ADGRB3: variants seen among roughly 807,000 people sequenced by gnomAD.
ADGRB3 encodes the protein adhesion G protein-coupled receptor B3.
In ADGRB3, 37 loss-of-function variants were observed where a neutral mutation model predicts 193.4. That is an observed-to-expected ratio of 0.19 (90% CI 0.15 to 0.25). ADGRB3 has a LOEUF of 0.25. Ranked by LOEUF, ADGRB3 falls within the 10% of genes least tolerant of loss-of-function variation. ADGRB3 has a pLI of 1.00. For missense variants in ADGRB3, 1,637 were observed against 1,852.9 expected (o/e 0.88, Z 2.14); for synonymous variants, 690 against 644.2 (o/e 1.07, Z -1.08).
intron 3 of ADGRB3, among the ~76,000 whole-genome samples, chr6:68,897,884 G>T (rs1019599436): frequency 6.9e-6 from 1 of 145,796 alleles, no homozygotes; most frequent in Non-Finnish European, 1.5e-5. Flanking sequence ...AAGAAAGAAA[G>T]AAAAAAGAAA....
At chr6:68,637,802 A>AT (rs3839456) in intron 2 of ADGRB3, among the ~76,000 whole-genome samples, 31,599 of 148,608 alleles carry the variant, frequency 0.21, 3,638 homozygotes, top group South Asian at 0.3. Flanking sequence ...ATGGTTCTGG[A>AT]TTTTTTTTTT....
At chr6:68,803,420 C>T (rs1752543719) in intron 3 of ADGRB3, among the ~76,000 whole-genome samples, 1 of 152,090 alleles carries the variant, frequency 6.6e-6, no homozygotes, top group South Asian at 2.1e-4. Context: ...TCACTGAAAC[C>T]AGCCTGTTAA....
chr6:69,222,388 G>A (rs1239655802), intron 17 of ADGRB3, among the ~76,000 whole-genome samples: 2 of 152,132 alleles, frequency 1.3e-5, no homozygotes, highest in Admixed American at 1.3e-4. Flanking sequence ...CTATAAAGTG[G>A]ATAGAGCATG....
At chr6:69,163,247 T>C (rs1238913278) in intron 17 of ADGRB3, among the ~76,000 whole-genome samples, 1 of 152,042 alleles carries the variant, frequency 6.6e-6, no homozygotes, top group Non-Finnish European at 1.5e-5. Context: ...CAAGTTGAAA[T>C]GTGTGTTTTT....
chr6:69,319,484 C>T (rs1278785560), intron 20 of ADGRB3, among the ~76,000 whole-genome samples: 16 of 151,140 alleles, frequency 1.1e-4, no homozygotes, highest in Non-Finnish European at 1.5e-5. Context: ...GCATTATAAT[C>T]ATCAATATTA....
intron 17 of ADGRB3, among the ~76,000 whole-genome samples, chr6:69,229,790 C>T (rs1435239420): frequency 6.6e-6 from 1 of 152,132 alleles, no homozygotes; most frequent in Non-Finnish European, 1.5e-5. Flanking sequence ...TTTAAAACTT[C>T]ATGAAACCAA....
intron 20 of ADGRB3, among the ~76,000 whole-genome samples, chr6:69,296,686 T>G (rs1000740404): frequency 6.6e-6 from 1 of 152,170 alleles, no homozygotes; most frequent in Non-Finnish European, 1.5e-5. Flanking sequence ...CTTACCAAGC[T>G]TTTATTTCAA....
At chr6:68,765,090 G>C (rs1337379903) in intron 3 of ADGRB3, among the ~76,000 whole-genome samples, 1 of 152,138 alleles carries the variant, frequency 6.6e-6, no homozygotes, top group African/African-American at 2.4e-5. Flanking sequence ...CAGGGTTCAT[G>C]TGAAGACCAT....
chr6:69,113,759 G>A (rs1242873987), intron 17 of ADGRB3, among the ~76,000 whole-genome samples: 1 of 152,044 alleles, frequency 6.6e-6, no homozygotes, highest in Non-Finnish European at 1.5e-5. Context: ...TTTCGTGAGT[G>A]GCAATGGGCA....
intron 17 of ADGRB3, among the ~76,000 whole-genome samples, chr6:69,220,025 C>T (rs1765859593): frequency 6.6e-6 from 1 of 151,836 alleles, no homozygotes; most frequent in South Asian, 2.1e-4. Context: ...GAAGCTTTCC[C>T]ACAGGAATTT....
At chr6:68,693,286 G>A (rs1001817372) in intron 3 of ADGRB3, among the ~76,000 whole-genome samples, 5 of 151,802 alleles carry the variant, frequency 3.3e-5, no homozygotes, top group East Asian at 1.9e-4. Context: ...CTATTTTGAC[G>A]GGTGGGAAAA....
intron 3 of ADGRB3, among the ~76,000 whole-genome samples, chr6:68,673,006 C>T (rs952371035): frequency 6.6e-5 from 10 of 151,878 alleles, no homozygotes; most frequent in African/African-American, 2.4e-4. Flanking sequence ...TTATGTGAGC[C>T]AAAATTCCTT....
chr6:69,246,101 A>T (rs2127264282), intron 20 of ADGRB3, among the ~76,000 whole-genome samples: 1 of 152,148 alleles, frequency 6.6e-6, no homozygotes, highest in Non-Finnish European at 1.5e-5. Context: ...TGGCCCCTGG[A>T]TTTTAGTTAA....
At chr6:68,811,114 A>G (rs1767505032) in intron 3 of ADGRB3, among the ~76,000 whole-genome samples, 1 of 152,168 alleles carries the variant, frequency 6.6e-6, no homozygotes, top group African/African-American at 2.4e-5. Flanking sequence ...GATTAAAAAC[A>G]TACAAACCCA....
At chr6:68,982,045 C>T (rs961334129) in intron 10 of ADGRB3, among the ~76,000 whole-genome samples, 20 of 151,842 alleles carry the variant, frequency 1.3e-4, no homozygotes, top group African/African-American at 3.6e-4. Flanking sequence ...GCCACCACGC[C>T]GGGCTAATTT....
rs774669403 is a variant in ADGRB3, at chr6:68,993,979, C to A, written c.1929+17C>A. On this transcript the variant is annotated intron_variant, in intron 11 of 31. Coordinates refer to ENST00000370598, the MANE Select transcript of ADGRB3 (RefSeq NM_001704.3). ...GGTGTCCAGGTAAGGGAGACAAGTT[C>A]GTGAAGGAAAGGGCTAGTGAAGATG... is the stretch of plus-strand genomic sequence containing the variant. 1 of 1,608,690 alleles carries A rather than the reference C, an allele frequency of 6.2e-7. No individual in the cohort carries two copies. Among genetic ancestry groups the A allele is most frequent in the Non-Finnish European group, 8.5e-7 (1 of 1,176,352 alleles).
At chr6:68,996,291 C>A (rs1490300301) in intron 11 of ADGRB3, among the ~76,000 whole-genome samples, 6 of 152,122 alleles carry the variant, frequency 3.9e-5, no homozygotes, top group Non-Finnish European at 8.8e-5. Context: ...CCTCTAATTA[C>A]CTCAGCCTAC....
chr6:69,188,509 A>G (rs1209444065), intron 17 of ADGRB3, among the ~76,000 whole-genome samples: 1 of 152,092 alleles, frequency 6.6e-6, no homozygotes, highest in African/African-American at 2.4e-5. Context: ...GGGTTTCACC[A>G]TGTTGGTCAG....
intron 11 of ADGRB3, among the ~76,000 whole-genome samples, chr6:69,007,125 T>G (rs1036050884): frequency 1.3e-5 from 2 of 152,170 alleles, no homozygotes; most frequent in African/African-American, 2.4e-5. Context: ...CATGGCTAAC[T>G]CATCATTCTC....
Sources: gnomAD v4.1 joint callset for allele counts (sites outside exome capture counted in the v4.1 genomes callset) on GRCh38, gnomAD v4.1.1 for gene constraint, MANE v1.5 for transcripts, NCBI Gene and HGNC (gene_info 2026-07-23, HGNC 2026-07-21) for gene names.